Variants in SLC16A9 observed in about 807,000 individuals in gnomAD.
The protein encoded by SLC16A9 is monocarboxylate transporter 9.
In SLC16A9, 26 loss-of-function variants were observed where a neutral mutation model predicts 44.3. The observed-to-expected ratio is 0.59, with a 90% CI of 0.43 to 0.81. The LOEUF is 0.81. SLC16A9 is among the 40% of genes least tolerant of loss of function. The pLI, the probability that SLC16A9 is intolerant of heterozygous loss-of-function variation, is 0.00. For missense variants in SLC16A9, 559 were observed against 595.8 expected, an observed-to-expected ratio of 0.94 and a Z score of 0.64; for synonymous variants, 230 against 225.1, an observed-to-expected ratio of 1.02 and a Z score of -0.19.
chr10:59,696,917 C>G (rs1434590452), intron 1 of SLC16A9, among the ~76,000 whole-genome samples: 1 of 75,010 alleles, frequency 1.3e-5, no homozygotes, highest in Non-Finnish European at 3.0e-5. Context: ...ACAGCCACCC[C>G]GTCCGGGAGG....
At chr10:59,664,050 A>T (rs946577480) in intron 4 of SLC16A9, among the ~76,000 whole-genome samples, 177 bp downstream of exon 4, 2 of 148,900 alleles carry the variant, frequency 1.3e-5, no homozygotes, top group African/African-American at 4.9e-5. Flanking sequence ...AAAAAAAAAG[A>T]AAGCTACTGC....
intron 1 of SLC16A9, among the ~76,000 whole-genome samples, chr10:59,705,532 T>C (rs1303531373): frequency 6.6e-6 from 1 of 152,308 alleles, no homozygotes; most frequent in East Asian, 1.9e-4. Flanking sequence ...ATTATTATTA[T>C]TAATGATTGC....
intron 4 of SLC16A9, among the ~76,000 whole-genome samples, chr10:59,660,701 AAG>A (rs1839453695): frequency 1.3e-5 from 2 of 152,190 alleles, no homozygotes; most frequent in African/African-American, 4.8e-5. Flanking sequence ...ACAAAACAAA[AAG>A]AGAAAATTTC....
chr10:59,666,817 G>A (rs532079572), intron 3 of SLC16A9, among the ~76,000 whole-genome samples: 6 of 148,718 alleles, frequency 4.0e-5, no homozygotes, highest in Admixed American at 6.7e-5. Context: ...ATGAACCAAC[G>A]CTGGGAAACA....
intron 1 of SLC16A9, among the ~76,000 whole-genome samples, chr10:59,686,910 G>T (rs73265535): frequency 0.02 from 3,050 of 152,266 alleles, 116 homozygotes; most frequent in African/African-American, 0.071. Context: ...ACCAGTGTCA[G>T]GCACATAGGC....
At chr10:59,671,171 G>A (rs1170944309) in intron 3 of SLC16A9, among the ~76,000 whole-genome samples, 3 of 152,138 alleles carry the variant, frequency 2.0e-5, no homozygotes, top group Admixed American at 6.5e-5. Context: ...CTCTCTCCAT[G>A]AGCTGACAGT....
chr10:59,653,444 A>AAAAAAAAAAAAAAAAAAAAC (rs1564693243), intron 5 of SLC16A9, among the ~76,000 whole-genome samples: 3 of 149,022 alleles, frequency 2.0e-5, no homozygotes, highest in Non-Finnish European at 4.4e-5. Flanking sequence ...AAAAAAAAAA[A>AAAAAAAAAAAAAAAAAAAAC]AGCAGGCATT....
intron 1 of SLC16A9, among the ~76,000 whole-genome samples, chr10:59,686,858 G>A (rs1217355692): frequency 6.6e-6 from 1 of 152,254 alleles, no homozygotes; most frequent in South Asian, 2.1e-4. Context: ...TCTTAATTCA[G>A]GACATCCTCC....
At chr10:59,681,008 A>AATAATAATAATAATAATT (rs1412486755) in intron 2 of SLC16A9, among the ~76,000 whole-genome samples, 1 of 151,442 alleles carries the variant, frequency 6.6e-6, no homozygotes, top group Non-Finnish European at 1.5e-5. Context: ...TAACAATAAT[A>AATAATAATAATAATAATT]ATTCATGAAT....
At chr10:59,665,062 G>C (rs978049665) in intron 3 of SLC16A9, among the ~76,000 whole-genome samples, 1 of 143,514 alleles carries the variant, frequency 7.0e-6, no homozygotes, top group Non-Finnish European at 1.5e-5. Flanking sequence ...ACAAAAAAAA[G>C]TTACAACTAA....
intron 1 of SLC16A9, among the ~76,000 whole-genome samples, chr10:59,706,851 G>A (rs1840649319): frequency 6.6e-6 from 1 of 152,018 alleles, no homozygotes; most frequent in Non-Finnish European, 1.5e-5. Context: ...GCACGCACCT[G>A]TAATGCCAGC....
At chr10:59,653,174 C>G (rs1035826481) in intron 5 of SLC16A9, among the ~76,000 whole-genome samples, 13 of 151,838 alleles carry the variant, frequency 8.6e-5, no homozygotes, top group African/African-American at 2.9e-4. Flanking sequence ...AAACCCAGCA[C>G]TTTGGGAGGC....
Position 59,700,251 on chromosome 10 carries a change from C to T in SLC16A9, c.-37+9228G>A, listed in dbSNP as rs1225635362. On this transcript the variant is annotated intron_variant, in intron 1 of 5. Coordinates refer to ENST00000395348, the MANE Select transcript of SLC16A9 (RefSeq NM_194298.3). ...CAGGAAACCACATAGCTGGCTACCA[C>T]CCCCTTTCCAGATGTTGCAGTACAG... Among the ~76,000 whole-genome samples, 3 of 152,188 alleles carry T rather than the reference C, an allele frequency of 2.0e-5. No individual in the cohort carries two copies. In the East Asian group the frequency reaches 5.8e-4, roughly 29 times the overall value.
intron 1 of SLC16A9, among the ~76,000 whole-genome samples, chr10:59,691,057 C>T (rs1840242706): frequency 6.6e-6 from 1 of 152,138 alleles, no homozygotes; most frequent in South Asian, 2.1e-4. Context: ...TGCACTCCAG[C>T]CTAGGTGACA....
intron 3 of SLC16A9, among the ~76,000 whole-genome samples, chr10:59,672,485 C>T (rs956379634): frequency 6.6e-6 from 1 of 152,152 alleles, no homozygotes; most frequent in African/African-American, 2.4e-5. Flanking sequence ...TTATGTTCCC[C>T]TCTCACTTTT....
intron 4 of SLC16A9, among the ~76,000 whole-genome samples, chr10:59,662,644 A>AAAAGAAAAG (rs1554867778): frequency 2.1e-5 from 3 of 144,280 alleles, no homozygotes; most frequent in African/African-American, 8.3e-5. Context: ...AAAAAAAAAA[A>AAAAGAAAAG]AAAAAAAAAG....
chr10:59,658,830 T>C (rs1839407041), intron 4 of SLC16A9, among the ~76,000 whole-genome samples: 1 of 152,172 alleles, frequency 6.6e-6, no homozygotes, highest in Non-Finnish European at 1.5e-5. Flanking sequence ...TGGGGAAATA[T>C]ACAGCTGGAT....
At chr10:59,662,644 A>AAAAAAAAAAAAAAAG (rs1839506082) in intron 4 of SLC16A9, among the ~76,000 whole-genome samples, 1 of 144,268 alleles carries the variant, frequency 6.9e-6, no homozygotes, top group African/African-American at 2.8e-5. Context: ...AAAAAAAAAA[A>AAAAAAAAAAAAAAAG]AAAAAAAAAG....
intron 1 of SLC16A9, among the ~76,000 whole-genome samples, chr10:59,708,344 T>C (rs1421817962): frequency 2.0e-5 from 3 of 152,210 alleles, no homozygotes; most frequent in Non-Finnish European, 4.4e-5. Flanking sequence ...TCCTTTCTCT[T>C]CGGAATCTTC....
Sources: allele counts gnomAD v4.1 joint callset (sites outside exome capture counted in the v4.1 genomes callset), GRCh38; gene constraint gnomAD v4.1.1; transcripts MANE v1.5; gene names NCBI Gene and HGNC (gene_info 2026-07-23, HGNC 2026-07-21).